Variants in ORAI2 observed in about 807,000 individuals in gnomAD.
ORAI2 encodes protein orai-2.
ORAI2 carries 10 observed loss-of-function variants against 16.2 expected under a neutral mutation model. The ratio of observed to expected loss-of-function variants is 0.62; its 90% CI spans 0.38 to 1.04. The LOEUF (loss-of-function observed/expected upper bound fraction) is 1.04, where lower values mean the gene tolerates loss of function less well. ORAI2 is among the 50% of genes least tolerant of loss of function. The pLI is 0.01. For synonymous variants in ORAI2, 150 were observed against 157.5 expected, an observed-to-expected ratio of 0.95 and a Z score of 0.35; for missense variants, 238 against 355.5, an observed-to-expected ratio of 0.67 and a Z score of 2.66.
In ORAI2 at chr7:102,445,537, A is replaced by G. The variant is rs1446664768; in HGVS notation, c.226-976A>G. Among the ~76,000 whole-genome samples, 3 of 151,908 alleles carry G rather than the reference A, an allele frequency of 2.0e-5. 1 individual carries two copies. Among genetic ancestry groups the G allele is most frequent in the Non-Finnish European group, 4.4e-5 (3 of 67,980 alleles). On this transcript the variant is annotated intron_variant, in intron 3 of 3. Transcript: ENST00000495936. Reference sequence around the variant, plus strand: ...TGATCATAGCTCACTGCAGCCTGTTATCTCCCGGGTTCAAGCGATCCTCCC... The same window carrying G: ...TGATCATAGCTCACTGCAGCCTGTTGTCTCCCGGGTTCAAGCGATCCTCCC...
intron 3 of ORAI2, 34 bp downstream of exon 3, chr7:102,439,215 T>C (rs1797134550): frequency 6.4e-7 from 1 of 1,572,362 alleles, no homozygotes; most frequent in Non-Finnish European, 8.7e-7. Flanking sequence ...AGCACACTGG[T>C]CAGATGGGCT....
intron 2 of ORAI2, among the ~76,000 whole-genome samples, chr7:102,438,490 G>T (rs1253837120): frequency 6.6e-6 from 1 of 152,096 alleles, no homozygotes; most frequent in Non-Finnish European, 1.5e-5. Context: ...TTAGGTCCTG[G>T]AAGGCTGGGC....
At position 102,448,180 on chromosome 7, in the gene ORAI2, C is replaced by A. The variant is rs1245042855; in HGVS notation, c.*1128C>A. ...CAAGTGACTACAAGGGAGGCAAGAC[C>A]CCTCCAGGCCTCTCAGCCGACACTG... On this transcript the variant is annotated 3_prime_UTR_variant, in exon 4 of 4. Transcript: ENST00000495936. 1 of 152,420 alleles carries A rather than the reference C, an allele frequency of 6.6e-6. No homozygotes were observed. The highest frequency in any genetic ancestry group is 1.5e-5 in the Non-Finnish European group (1 of 68,168). 9.4% of individuals were successfully genotyped at this position (152,420 alleles called of 1,614,324 possible).
chr7:102,455,554 T>C lies in ORAI2; in HGVS notation c.*8502T>C, dbSNP rs1797624916. 6.6e-6 allele frequency: 1 copy of C among 152,394 alleles called. No individual in the cohort carries two copies. The highest frequency in any genetic ancestry group is 2.4e-5 in the African/African-American group (1 of 41,588). The allele number at this position is 152,394 out of a possible 1,614,324, so 9.4% of individuals were successfully genotyped here. On this transcript the variant is annotated 3_prime_UTR_variant, in exon 4 of 4. Coordinates refer to ENST00000495936, the MANE Select transcript of ORAI2 (RefSeq NM_001126340.3). ...CTCTATGTGCATCGTTCTCCAGATG[T>C]TGGAGCATCCTGCAGGGGCCAGCCC...
chr7:102,439,540 G>C (rs1258617964), intron 3 of ORAI2, among the ~76,000 whole-genome samples: 1 of 151,992 alleles, frequency 6.6e-6, no homozygotes. Flanking sequence ...TGGGAGGATA[G>C]CTTGAGGCCA....
chr7:102,439,804 G>GCAA (rs1236600944), intron 3 of ORAI2, among the ~76,000 whole-genome samples: 1 of 152,098 alleles, frequency 6.6e-6, no homozygotes, highest in East Asian at 1.9e-4. Flanking sequence ...TTTTGGCCAG[G>GCAA]CGTGTTGGCT....
intron 3 of ORAI2, among the ~76,000 whole-genome samples, chr7:102,446,224 T>C (rs1797358905): frequency 6.6e-6 from 1 of 152,260 alleles, no homozygotes; most frequent in African/African-American, 2.4e-5. Context: ...GCTGGGATTA[T>C]AGGCGTGAGC....
chr7:102,437,880 C>T (rs1435171840), intron 2 of ORAI2, among the ~76,000 whole-genome samples: 6 of 151,094 alleles, frequency 4.0e-5, no homozygotes, highest in Non-Finnish European at 8.8e-5. Flanking sequence ...GTGAGATTCC[C>T]GTCTCTAGGA....
chr7:102,444,235 T>A (rs1797285544), intron 3 of ORAI2, among the ~76,000 whole-genome samples: 2 of 152,022 alleles, frequency 1.3e-5, no homozygotes, highest in East Asian at 3.9e-4. Context: ...GTGAGTTATT[T>A]TTTTATTTTA....
Position 102,446,862 on chromosome 7 carries a change from C to T in ORAI2, c.575C>T (p.Thr192Met), listed in dbSNP as rs751979726. 25 of 1,613,592 alleles carry T rather than the reference C, an allele frequency of 1.5e-5. No homozygotes were observed. Among genetic ancestry groups the T allele is most frequent in the East Asian group, 1.1e-4 (5 of 44,880 alleles). ...PGPPPGPGSH[T>M]GWQAALVSTI... ...CCCCCACCTGGCCCTGGGAGTCACA[C>T]GGGCTGGCAGGCCGCCCTGGTGTCC... Residue 192 changes from threonine to methionine, a missense_variant, in exon 4 of 4, where the codon ACG becomes ATG. Physicochemically the swap from Thr to Met is moderately conservative, Grantham distance 81. This residue lies in a region of ORAI2 where 176 missense variants were observed against 265.9 expected (regional missense o/e 0.66). Coordinates refer to ENST00000495936, the MANE Select transcript of ORAI2 (RefSeq NM_001126340.3).
rs558227600 is a variant in ORAI2, at chr7:102,451,497, G to C, written c.*4445G>C. The stretch of plus-strand genomic sequence containing the variant: ...CTGCAGCCCTTACCTGCCTCGTGCT[G>C]ATGATCTATGCATGGCGTTATGTAG... On this transcript the variant is annotated 3_prime_UTR_variant, in exon 4 of 4. Coordinates refer to ENST00000495936, the MANE Select transcript of ORAI2 (RefSeq NM_001126340.3). 6.6e-6 allele frequency: 1 copy of C among 152,412 alleles called. No individual in the cohort carries two copies. Among genetic ancestry groups the C allele is most frequent in the Admixed American group, 6.5e-5 (1 of 15,298 alleles). 9.4% of individuals were successfully genotyped at this position (152,412 alleles called of 1,614,324 possible). A position where few individuals can be genotyped will look rare whatever the true frequency, so the allele number is the denominator to read the frequency against.
rs1226207088 is a variant in ORAI2 at position 102,439,242 on chromosome 7, C to T, written c.225+61C>T. 50 of 1,431,962 alleles carry T rather than the reference C, an allele frequency of 3.5e-5. No homozygotes were observed. The South Asian group carries it at 4.0e-4, about 11-fold the overall frequency. 88.7% of individuals were successfully genotyped at this position (1,431,962 alleles called of 1,614,324 possible). A position where few individuals can be genotyped will look rare whatever the true frequency, so the allele number is the denominator to read the frequency against. ...AGATGGGCTTTGCTAACTGAGGTCC[C>T]GGGATGCCTCAGGGACCAGAGCCTT... is the stretch of plus-strand genomic sequence containing the variant. On this transcript the variant is annotated intron_variant, in intron 3 of 3. Transcript: ENST00000495936.
rs921484690 is a variant in ORAI2 at position 102,454,292 on chromosome 7, G to A, written c.*7240G>A. ...GCCTATAGTCCCAGCTACTGGGGAG[G>A]CTGAGGTGGGAGAATCATCTGAGCC... On this transcript the variant is annotated 3_prime_UTR_variant, in exon 4 of 4. Coordinates refer to ENST00000495936, the MANE Select transcript of ORAI2 (RefSeq NM_001126340.3). The A allele has an allele frequency of 6.6e-6, 1 of 152,502 alleles. No individual in the cohort carries two copies. The highest frequency in any genetic ancestry group is 1.5e-5 in the Non-Finnish European group (1 of 68,074). 9.4% of individuals were successfully genotyped at this position (152,502 alleles called of 1,614,324 possible).
chr7:102,437,589 T>C (rs952885491), intron 2 of ORAI2, among the ~76,000 whole-genome samples: 4 of 152,190 alleles, frequency 2.6e-5, no homozygotes, highest in Non-Finnish European at 4.4e-5. Flanking sequence ...CACTCTAGCC[T>C]GGGTGACAGA....
rs1330430419 is a variant in ORAI2 at position 102,444,633 on chromosome 7, C to T, written c.226-1880C>T. Reference sequence around the variant, plus strand: ...AGGTCTAGGAGGGAAACAGTGGAAACAGTGGGTAGAAGAACCTTCCCCAGG... The same window carrying T: ...AGGTCTAGGAGGGAAACAGTGGAAATAGTGGGTAGAAGAACCTTCCCCAGG... On this transcript the variant is annotated intron_variant, in intron 3 of 3. Transcript: ENST00000495936. Among the ~76,000 whole-genome samples the T allele has an allele frequency of 1.4e-4, 21 of 146,786 alleles. No individual in the cohort carries two copies. The East Asian group carries it at 3.6e-3, about 26-fold the overall frequency.
chr7:102,435,878 G>A (rs1055109013), intron 1 of ORAI2, among the ~76,000 whole-genome samples: 5 of 151,954 alleles, frequency 3.3e-5, no homozygotes, highest in Non-Finnish European at 7.4e-5. Flanking sequence ...CTAGTGATCC[G>A]CCCACCTCAG....
chr7:102,437,073 T>C (rs1185353223), intron 2 of ORAI2, among the ~76,000 whole-genome samples: 1 of 152,238 alleles, frequency 6.6e-6, no homozygotes, highest in Non-Finnish European at 1.5e-5. Context: ...CCCTACTTAG[T>C]GGAGATTTGG....
intron 3 of ORAI2, among the ~76,000 whole-genome samples, chr7:102,443,052 AAAT>A (rs1797248162): frequency 6.6e-6 from 1 of 151,784 alleles, no homozygotes; most frequent in Non-Finnish European, 1.5e-5. Flanking sequence ...TAAATTTAAA[AAAT>A]GCTGCATAAA....
At chr7:102,438,403 G>A (rs1033248578) in intron 2 of ORAI2, among the ~76,000 whole-genome samples, 5 of 152,160 alleles carry the variant, frequency 3.3e-5, no homozygotes, top group African/African-American at 1.2e-4. Context: ...CCATTCTCAC[G>A]ATGAAAGAGC....
Sources: gnomAD v4.1 joint callset for allele counts (sites outside exome capture counted in the v4.1 genomes callset) on GRCh38, gnomAD v4.1.1 for gene constraint, gnomAD v4.1.1 regional missense constraint, MANE v1.5 for transcripts, NCBI Gene and HGNC (gene_info 2026-07-23, HGNC 2026-07-21) for gene names.